XYLT1: variants seen among roughly 807,000 people sequenced by gnomAD.
The protein encoded by XYLT1 is xylosyltransferase 1, also known as beta-D-xylosyltransferase 1.
Under a neutral mutation model 91.3 loss-of-function variants are expected in XYLT1, and 36 were observed. That is an observed-to-expected ratio of 0.39 (90% CI 0.30 to 0.52). The LOEUF is 0.52. Ranked by LOEUF, XYLT1 falls within the 20% of genes least tolerant of loss-of-function variation. XYLT1 has a pLI of 0.68. For synonymous variants in XYLT1, 588 were observed against 532.0 expected (o/e 1.11, Z -1.45); for missense variants, 1,242 against 1,284.5 (o/e 0.97, Z 0.51).
intron 1 of XYLT1, among the ~76,000 whole-genome samples, chr16:17,465,722 G>A (rs1336789049): frequency 2.0e-5 from 3 of 151,960 alleles, no homozygotes; most frequent in South Asian, 4.2e-4. Flanking sequence ...GGATTTACTC[G>A]CACCCTACAC....
chr16:17,452,108 A>G (rs920399734), intron 1 of XYLT1, among the ~76,000 whole-genome samples: 1 of 152,182 alleles, frequency 6.6e-6, no homozygotes, highest in Admixed American at 6.5e-5. Context: ...TTGAGCAAGC[A>G]TTGAGAATTA....
At chr16:17,248,596 G>A (rs574757661) in intron 3 of XYLT1, among the ~76,000 whole-genome samples, 130 of 152,138 alleles carry the variant, frequency 8.5e-4, no homozygotes, top group African/African-American at 3.0e-3. Context: ...CTGCCTACCC[G>A]AGGGCCTTTG....
chr16:17,403,246 G>A (rs569662171), intron 1 of XYLT1, among the ~76,000 whole-genome samples: 25 of 152,284 alleles, frequency 1.6e-4, no homozygotes, highest in African/African-American at 6.0e-4. Context: ...CCATTTGACA[G>A]ATGAGGAGAC....
chr16:17,247,226 T>C (rs1353282460), intron 3 of XYLT1, among the ~76,000 whole-genome samples: 1 of 148,930 alleles, frequency 6.7e-6, no homozygotes, highest in African/African-American at 2.4e-5. Context: ...TTGCACTAAG[T>C]CTCTGTCTTG....
At chr16:17,375,902 G>A (rs2141878622) in intron 1 of XYLT1, among the ~76,000 whole-genome samples, 1 of 152,402 alleles carries the variant, frequency 6.6e-6, no homozygotes, top group South Asian at 2.1e-4. Context: ...TCCCTACGAT[G>A]TATGTGCAGG....
chr16:17,470,258 C>T (rs1299642758), intron 1 of XYLT1, among the ~76,000 whole-genome samples, 176 bp downstream of exon 1: 1 of 152,216 alleles, frequency 6.6e-6, no homozygotes, highest in Non-Finnish European at 1.5e-5. Flanking sequence ...GGGCAGCCCA[C>T]GACCCCTGAG....
At chr16:17,381,114 G>C (rs1035761784) in intron 1 of XYLT1, among the ~76,000 whole-genome samples, 9 of 152,138 alleles carry the variant, frequency 5.9e-5, no homozygotes, top group Admixed American at 2.0e-4. Flanking sequence ...TTGAAACTCA[G>C]AAAATGTAAA....
At chr16:17,134,796 A>C in intron 8 of XYLT1, 61 bp from the exon 9 acceptor site, 2 of 1,587,358 alleles carry the variant, frequency 1.3e-6, no homozygotes, top group Non-Finnish European at 1.7e-6. Context: ...GTTGGGGGGA[A>C]CCTAAGGGCA....
chr16:17,353,739 G>A (rs1387632949), intron 2 of XYLT1, among the ~76,000 whole-genome samples: 3 of 152,154 alleles, frequency 2.0e-5, no homozygotes, highest in African/African-American at 4.8e-5. Flanking sequence ...ATCTATGGAC[G>A]TTGGATTGCA....
chr16:17,451,865 C>T (rs1047695154), intron 1 of XYLT1, among the ~76,000 whole-genome samples: 1 of 152,304 alleles, frequency 6.6e-6, no homozygotes, highest in African/African-American at 2.4e-5. Context: ...TCACTGGGAA[C>T]CTGCAGGACA....
At chr16:17,456,509 G>A (rs2036745366) in intron 1 of XYLT1, among the ~76,000 whole-genome samples, 1 of 151,642 alleles carries the variant, frequency 6.6e-6, no homozygotes, top group Non-Finnish European at 1.5e-5. Context: ...CTGATTGATT[G>A]TTTTATGTTT....
intron 7 of XYLT1, 174 bp from the exon 8 acceptor site, chr16:17,138,705 C>CAAATAAACCTCTTTTCTTTATAA: frequency 1.7e-6 from 1 of 605,476 alleles, no homozygotes; most frequent in Non-Finnish European, 2.7e-6. Flanking sequence ...AACTGCAAGC[C>CAAATAAACCTCTTTTCTTTATAA]AAATAAACCT....
intron 2 of XYLT1, among the ~76,000 whole-genome samples, chr16:17,262,129 G>A (rs991279176): frequency 6.6e-6 from 1 of 152,106 alleles, no homozygotes; most frequent in African/African-American, 2.4e-5. Flanking sequence ...TACTTATAGG[G>A]TACTGACAAT....
At chr16:17,230,296 C>A (rs1305446554) in intron 3 of XYLT1, among the ~76,000 whole-genome samples, 1 of 152,204 alleles carries the variant, frequency 6.6e-6, no homozygotes, top group East Asian at 1.9e-4. Context: ...ATCACAGGAT[C>A]ATGCTCTTGA....
intron 2 of XYLT1, among the ~76,000 whole-genome samples, chr16:17,260,899 C>T (rs977476266): frequency 6.6e-6 from 1 of 152,174 alleles, no homozygotes; most frequent in Non-Finnish European, 1.5e-5. Flanking sequence ...TTGCTTCTGT[C>T]CTCACCATCC....
chr16:17,296,569 T>C (rs917795051), intron 2 of XYLT1, among the ~76,000 whole-genome samples: 17 of 152,156 alleles, frequency 1.1e-4, no homozygotes, highest in African/African-American at 3.1e-4. Context: ...GCTCTGAGAA[T>C]AAAACTGCGA....
At chr16:17,213,442 T>C (rs1408959829) in intron 3 of XYLT1, among the ~76,000 whole-genome samples, 1 of 152,116 alleles carries the variant, frequency 6.6e-6, no homozygotes, top group Non-Finnish European at 1.5e-5. Context: ...CAGCAGACCT[T>C]TGAGGGAGGC....
intron 2 of XYLT1, among the ~76,000 whole-genome samples, chr16:17,291,899 T>C (rs1448765286): frequency 6.6e-6 from 1 of 151,736 alleles, no homozygotes; most frequent in Non-Finnish European, 1.5e-5. Flanking sequence ...AAGAATATGA[T>C]AGGATGGCCA....
Position 17,398,493 on chromosome 16 carries a change from G to A in XYLT1, c.364-40443C>T, listed in dbSNP as rs557265479. 8.5e-5 allele frequency among the ~76,000 whole-genome samples: 13 copies of A among 152,258 alleles called. No homozygotes were observed. The South Asian group carries it at 1.2e-3, about 15-fold the overall frequency. On this transcript the variant is annotated intron_variant, in intron 1 of 11. Coordinates refer to ENST00000261381, the MANE Select transcript of XYLT1 (RefSeq NM_022166.4). ...TAAGTGAGTATGAGTGATTTTTTTC[G>A]GGGAGTAGATGATGGGTGAACCATG...
Sources: allele counts gnomAD v4.1 joint callset (sites outside exome capture counted in the v4.1 genomes callset), GRCh38; gene constraint gnomAD v4.1.1; transcripts MANE v1.5; gene names NCBI Gene and HGNC (gene_info 2026-07-23, HGNC 2026-07-21).